The following TENM3 variants were observed in gnomAD, a reference collection of about 807,000 sequenced individuals.
TENM3 encodes the protein teneurin transmembrane protein 3, also known as teneurin-3.
In TENM3, 63 loss-of-function variants were observed where a neutral mutation model predicts 255.1. That is an observed-to-expected ratio of 0.25 (90% CI 0.20 to 0.30). TENM3 has a LOEUF of 0.30. Ranked by LOEUF, TENM3 falls within the 10% of genes least tolerant of loss-of-function variation. The pLI, the probability that TENM3 is intolerant of heterozygous loss-of-function variation, is 1.00. For synonymous variants in TENM3, 1,306 were observed against 1,322.3 expected, an observed-to-expected ratio of 0.99 and a Z score of 0.27; for missense variants, 2,929 against 3,461.1, an observed-to-expected ratio of 0.85 and a Z score of 3.86.
chr4:182,152,854 G>C (rs1750438338), intron 1 of TENM3, among the ~76,000 whole-genome samples: 1 of 151,696 alleles, frequency 6.6e-6, no homozygotes, highest in African/African-American at 2.4e-5. Context: ...AAAGAAAAAA[G>C]ATGTAATTTT....
chr4:182,631,225 G>A (rs1231746963), intron 5 of TENM3, among the ~76,000 whole-genome samples: 2 of 151,972 alleles, frequency 1.3e-5, no homozygotes, highest in African/African-American at 4.8e-5. Flanking sequence ...AGGGTTTTCA[G>A]TTCAACAGAT....
intron 24 of TENM3, among the ~76,000 whole-genome samples, chr4:182,784,948 A>T (rs1452246571): frequency 1.3e-5 from 2 of 152,052 alleles, no homozygotes; most frequent in Non-Finnish European, 2.9e-5. Flanking sequence ...ACCTGCGCCC[A>T]CTGTCTGGCA....
At chr4:182,529,537 C>T (rs7671649) in intron 3 of TENM3, among the ~76,000 whole-genome samples, 125,964 of 151,990 alleles carry the variant, frequency 0.83, 52,444 homozygotes, top group East Asian at 0.95. Context: ...TTTCATTCTT[C>T]TTCCTTTCTT....
the TENM3 span, among the ~76,000 whole-genome samples, chr4:181,895,742 C>T: frequency 1.9e-3 from 287 of 151,886 alleles, no homozygotes; most frequent in African/African-American, 6.6e-3. Context: ...GACAAGGTCT[C>T]ACTGTGTTGC....
intron 3 of TENM3, among the ~76,000 whole-genome samples, chr4:182,549,524 G>A (rs1741797580): frequency 6.6e-6 from 1 of 152,164 alleles, no homozygotes. Context: ...TTCTTGTAGA[G>A]AGTTGGAAAG....
chr4:181,956,034 G>A, the TENM3 span, among the ~76,000 whole-genome samples: 1 of 152,148 alleles, frequency 6.6e-6, no homozygotes, highest in Non-Finnish European at 1.5e-5. Context: ...TCACAATTCT[G>A]GAGGCTGGGA....
rs977390519 is a variant in TENM3, at chr4:182,371,018, C to T, written c.511+24089C>T. Among the ~76,000 whole-genome samples the T allele has an allele frequency of 3.3e-5, 5 of 152,090 alleles. No individual in the cohort carries two copies. In the East Asian group the frequency reaches 5.8e-4, roughly 18 times the overall value. ...CTAAGTTCTTAATATGAAGTTGAGACGTTTTGGTCTTCAGTTTCATGGCAT... is the reference window on the plus strand; with the variant it reads ...CTAAGTTCTTAATATGAAGTTGAGATGTTTTGGTCTTCAGTTTCATGGCAT... On this transcript the variant is annotated intron_variant, in intron 3 of 27. Coordinates refer to ENST00000511685, the MANE Select transcript of TENM3 (RefSeq NM_001080477.4).
At chr4:181,923,795 G>C in the TENM3 span, among the ~76,000 whole-genome samples, 1 of 152,128 alleles carries the variant, frequency 6.6e-6, no homozygotes, top group African/African-American at 2.4e-5. Flanking sequence ...CGCTTCCCAG[G>C]AGTTTCTTGT....
At chr4:182,125,186 C>T in the TENM3 span, among the ~76,000 whole-genome samples, 4 of 145,098 alleles carry the variant, frequency 2.8e-5, no homozygotes, top group East Asian at 8.3e-4. Flanking sequence ...GTGTGCTACT[C>T]GCCCCTGCTG....
the TENM3 span, among the ~76,000 whole-genome samples, chr4:181,549,906 C>T: frequency 4.0e-5 from 6 of 151,764 alleles, no homozygotes; most frequent in Non-Finnish European, 8.8e-5. Flanking sequence ...ACACCTAATA[C>T]CCAAATGTGA....
At chr4:182,034,739 T>G in the TENM3 span, among the ~76,000 whole-genome samples, 5 of 152,230 alleles carry the variant, frequency 3.3e-5, no homozygotes, top group Non-Finnish European at 7.3e-5. Context: ...GTAGGGTTTC[T>G]GCTGAAAGGT....
the TENM3 span, among the ~76,000 whole-genome samples, chr4:181,536,354 C>G: frequency 7.4e-4 from 113 of 152,320 alleles, no homozygotes; most frequent in African/African-American, 2.6e-3. Context: ...AAGCTGCTCC[C>G]TTACTGCTCA....
At chr4:182,756,791 A>G (rs1391041622) in intron 22 of TENM3, among the ~76,000 whole-genome samples, 1 of 152,212 alleles carries the variant, frequency 6.6e-6, no homozygotes, top group Non-Finnish European at 1.5e-5. Context: ...TGATTTTGTC[A>G]GAGGAACAAA....
chr4:182,067,927 G>A, the TENM3 span, among the ~76,000 whole-genome samples: 1 of 151,994 alleles, frequency 6.6e-6, no homozygotes, highest in African/African-American at 2.4e-5. Context: ...GATTTTAGCT[G>A]TAATTGTTTG....
chr4:181,764,677 C>T, the TENM3 span, among the ~76,000 whole-genome samples: 2 of 152,086 alleles, frequency 1.3e-5, no homozygotes, highest in African/African-American at 4.8e-5. Flanking sequence ...AATGAATGTA[C>T]ACATGTGACT....
chr4:182,371,456 C>T (rs1766808426), intron 3 of TENM3, among the ~76,000 whole-genome samples: 1 of 152,160 alleles, frequency 6.6e-6, no homozygotes, highest in South Asian at 2.1e-4. Context: ...CCCTTTTCTT[C>T]AATCTGACCT....
chr4:181,809,481 G>A, the TENM3 span, among the ~76,000 whole-genome samples: 1 of 152,086 alleles, frequency 6.6e-6, no homozygotes, highest in African/African-American at 2.4e-5. Flanking sequence ...TCGTTGGTTC[G>A]ATCGTGTATT....
intron 3 of TENM3, among the ~76,000 whole-genome samples, chr4:182,547,415 A>C (rs1258357343): frequency 6.6e-6 from 1 of 152,232 alleles, no homozygotes; most frequent in Non-Finnish European, 1.5e-5. Context: ...TTCAAAATAA[A>C]ATAGTGAGCC....
the TENM3 span, among the ~76,000 whole-genome samples, chr4:181,699,797 C>A: frequency 3.9e-5 from 6 of 152,304 alleles, 1 homozygote; most frequent in South Asian, 1.2e-3. Context: ...CCCTGTGAGA[C>A]AATTAGCACC....
Sources: allele counts gnomAD v4.1 joint callset (sites outside exome capture counted in the v4.1 genomes callset), GRCh38; gene constraint gnomAD v4.1.1; transcripts MANE v1.5; gene names NCBI Gene and HGNC (gene_info 2026-07-23, HGNC 2026-07-21).